MAGI2: variants seen among roughly 807,000 people sequenced by gnomAD.
MAGI2 encodes the protein membrane-associated guanylate kinase, WW and PDZ domain-containing protein 2.
MAGI2 carries 35 observed loss-of-function variants against 133.3 expected under a neutral mutation model. The ratio of observed to expected loss-of-function variants is 0.26; its 90% confidence interval spans 0.20 to 0.35. MAGI2 has a LOEUF of 0.35. Ranked by LOEUF, MAGI2 falls within the 10% of genes least tolerant of loss-of-function variation. MAGI2 has a pLI of 1.00. For synonymous variants in MAGI2, 729 were observed against 710.6 expected (o/e 1.03, Z -0.41); for missense variants, 1,636 against 1,863.4 (o/e 0.88, Z 2.25).
intron 9 of MAGI2, among the ~76,000 whole-genome samples, chr7:78,279,341 C>G (rs1394095817): frequency 6.6e-6 from 1 of 152,146 alleles, no homozygotes; most frequent in East Asian, 1.9e-4. Context: ...AGTGGATAAA[C>G]TGGCACGTCT....
intron 16 of MAGI2, among the ~76,000 whole-genome samples, chr7:78,142,456 C>CA: frequency 6.6e-6 from 1 of 152,238 alleles, no homozygotes; most frequent in Non-Finnish European, 1.5e-5. Context: ...TTCCACTCCC[C>CA]TGTACATCAC....
rs374197197 is a variant in MAGI2, at chr7:78,201,882, C to T, written c.2048-689G>A. On this transcript the variant is annotated intron_variant, in intron 10 of 21. Coordinates refer to ENST00000354212, the MANE Select transcript of MAGI2 (RefSeq NM_012301.4). Reference sequence around the variant, plus strand: ...TGTATTATCACAAAATATAATGATTCGAGTAACCCTGTTGTGATCCAAATG... The same window carrying T: ...TGTATTATCACAAAATATAATGATTTGAGTAACCCTGTTGTGATCCAAATG... Among the ~76,000 whole-genome samples the T allele has an allele frequency of 4.3e-4, 65 of 152,036 alleles. 1 individual carries two copies. In the South Asian group the frequency reaches 0.012, roughly 28 times the overall value.
intron 3 of MAGI2, among the ~76,000 whole-genome samples, chr7:78,522,750 C>T (rs567958797): frequency 8.5e-5 from 13 of 152,112 alleles, no homozygotes; most frequent in Admixed American, 5.2e-4. Flanking sequence ...TGGTAAAGAA[C>T]GTAGGTCATA....
chr7:79,452,308 T>A (rs1849335156), intron 1 of MAGI2, among the ~76,000 whole-genome samples: 2 of 152,008 alleles, frequency 1.3e-5, no homozygotes, highest in Non-Finnish European at 2.9e-5. Flanking sequence ...CGGAGCCTCC[T>A]CCCCCGGGCT....
At chr7:78,585,787 A>G (rs529272296) in intron 3 of MAGI2, among the ~76,000 whole-genome samples, 2 of 152,308 alleles carry the variant, frequency 1.3e-5, no homozygotes, top group African/African-American at 2.4e-5. Flanking sequence ...GGGAATGGGA[A>G]TACATGAAAG....
intron 3 of MAGI2, among the ~76,000 whole-genome samples, chr7:78,537,174 C>CACACCACT (rs2150653114): frequency 1.0e-5 from 1 of 98,282 alleles, no homozygotes; most frequent in South Asian, 2.9e-4. Context: ...TTCCACTACA[C>CACACCACT]ACACACACAC....
intron 2 of MAGI2, among the ~76,000 whole-genome samples, chr7:78,868,651 C>T (rs1234674855): frequency 2.0e-5 from 3 of 152,014 alleles, no homozygotes; most frequent in East Asian, 3.9e-4. Context: ...AACTTACATT[C>T]GGACAATAAA....
At chr7:78,110,832 A>G (rs913432180) in intron 20 of MAGI2, among the ~76,000 whole-genome samples, 3 of 152,264 alleles carry the variant, frequency 2.0e-5, no homozygotes, top group South Asian at 2.1e-4. Context: ...GTGACTGCCA[A>G]TCAGGAGAAC....
intron 3 of MAGI2, among the ~76,000 whole-genome samples, chr7:78,557,523 C>T (rs1799955959): frequency 6.6e-6 from 1 of 152,138 alleles, no homozygotes; most frequent in Non-Finnish European, 1.5e-5. Flanking sequence ...GCCCTCTAGC[C>T]AAGTGATGGT....
intron 1 of MAGI2, among the ~76,000 whole-genome samples, chr7:79,159,095 G>T (rs1824096450): frequency 6.6e-6 from 1 of 151,992 alleles, no homozygotes; most frequent in South Asian, 2.1e-4. Context: ...TGGTGAAGAA[G>T]ATAAAAAGGA....
chr7:78,323,867 T>C (rs1196685028), intron 9 of MAGI2, among the ~76,000 whole-genome samples: 1 of 152,180 alleles, frequency 6.6e-6, no homozygotes, highest in African/African-American at 2.4e-5. Flanking sequence ...CTTCTGGATA[T>C]ATTTGCTGGC....
intron 2 of MAGI2, among the ~76,000 whole-genome samples, chr7:78,697,820 C>A (rs1331819561): frequency 1.3e-5 from 2 of 152,092 alleles, no homozygotes; most frequent in African/African-American, 4.8e-5. Context: ...CTTTCCCCAT[C>A]CTCTCTCATC....
At chr7:79,136,072 A>AGAAG (rs1562929197) in intron 1 of MAGI2, among the ~76,000 whole-genome samples, 18 of 43,194 alleles carry the variant, frequency 4.2e-4, no homozygotes, top group African/African-American at 9.9e-4. Context: ...AAAGAAGGAA[A>AGAAG]GAAAGAAAGA....
intron 1 of MAGI2, among the ~76,000 whole-genome samples, chr7:79,291,560 T>C (rs1836489176): frequency 6.6e-6 from 1 of 152,182 alleles, no homozygotes; most frequent in South Asian, 2.1e-4. Flanking sequence ...ATTTTCTCCA[T>C]ATACTCACCA....
Position 78,135,131 on chromosome 7 carries a change from C to A in MAGI2, c.2921G>T (p.Arg974Leu). ...AGACTGGCCATTCACTGCTAGGATCCGGTCTCCCACTTTTAGTTTTGCACA... is the reference window on the plus strand; with the variant it reads ...AGACTGGCCATTCACTGCTAGGATCAGGTCTCCCACTTTTAGTTTTGCACA... Reference protein sequence around the residue: ...DRCAKLKVGDRILAVNGQSII... With the variant: ...DRCAKLKVGDLILAVNGQSII... The change falls in exon 17 of 22, where the codon CGG (arginine) becomes CTG (leucine). Residue 974 changes from arginine (R) to leucine (L), a missense_variant. By Grantham distance (102) the Arg-to-Leu change is moderately radical. Transcript: ENST00000354212. 2.5e-6 allele frequency: 4 copies of A among 1,614,142 alleles called. No homozygotes were observed. The highest frequency in any genetic ancestry group is 3.4e-6 in the Non-Finnish European group (4 of 1,180,000).
chr7:78,065,532 G>A, intron 21 of MAGI2: 1 of 647,554 alleles, frequency 1.5e-6, no homozygotes, highest in Non-Finnish European at 2.7e-6. Flanking sequence ...GCAAAACCAA[G>A]GCTCATTAGA....
intron 9 of MAGI2, among the ~76,000 whole-genome samples, chr7:78,295,444 A>ATTAAG (rs988291322): frequency 2.6e-5 from 4 of 152,128 alleles, no homozygotes; most frequent in Non-Finnish European, 2.9e-5. Flanking sequence ...CATAACCTCT[A>ATTAAG]TTAAGTTTAA....
intron 3 of MAGI2, among the ~76,000 whole-genome samples, chr7:78,623,447 GT>G (rs1381210745): frequency 2.0e-5 from 3 of 152,000 alleles, no homozygotes; most frequent in Admixed American, 6.6e-5. Context: ...ATGATTTACA[GT>G]TTTTTTCATA....
intron 2 of MAGI2, among the ~76,000 whole-genome samples, chr7:78,743,765 C>T (rs1192560968): frequency 2.6e-5 from 4 of 152,198 alleles, no homozygotes; most frequent in African/African-American, 9.7e-5. Flanking sequence ...TCATCAGCCT[C>T]TGAAAGACAA....
Sources: allele counts gnomAD v4.1 joint callset (sites outside exome capture counted in the v4.1 genomes callset), GRCh38; gene constraint gnomAD v4.1.1; transcripts MANE v1.5; gene names NCBI Gene and HGNC (gene_info 2026-07-23, HGNC 2026-07-21).